RPS6KB1: variants seen among roughly 807,000 people sequenced by gnomAD.
RPS6KB1 encodes the protein ribosomal protein S6 kinase B1.
Under a neutral mutation model 70.2 loss-of-function variants are expected in RPS6KB1, and 12 were observed. The observed-to-expected ratio is 0.17, with a 90% CI of 0.11 to 0.28. RPS6KB1 has a LOEUF of 0.28. RPS6KB1 is among the 10% of genes least tolerant of loss of function. The pLI is 1.00. For missense variants in RPS6KB1, 270 were observed against 646.6 expected (o/e 0.42, Z 6.32); for synonymous variants, 175 against 211.2 (o/e 0.83, Z 1.49).
At chr17:59,922,872 G>GTT (rs780808367) in intron 4 of RPS6KB1, among the ~76,000 whole-genome samples, 7 of 118,394 alleles carry the variant, frequency 5.9e-5, no homozygotes, top group Non-Finnish European at 1.2e-4. Context: ...AAATTTGTTT[G>GTT]TTTTTTTTTT....
intron 5 of RPS6KB1, among the ~76,000 whole-genome samples, chr17:59,927,340 T>C (rs2043669171): frequency 6.6e-6 from 1 of 151,946 alleles, no homozygotes; most frequent in South Asian, 2.1e-4. Context: ...TAACTCGGCC[T>C]CCCAAAATGC....
intron 1 of RPS6KB1, among the ~76,000 whole-genome samples, chr17:59,906,139 T>A (rs1416943119): frequency 6.6e-6 from 1 of 152,238 alleles, no homozygotes; most frequent in Admixed American, 6.5e-5. Flanking sequence ...TGAATATTTT[T>A]GGCAGTTTTA....
chr17:59,903,073 C>G (rs539836991), intron 1 of RPS6KB1, among the ~76,000 whole-genome samples: 1 of 151,860 alleles, frequency 6.6e-6, no homozygotes, highest in Admixed American at 6.6e-5. Context: ...TTTGGGAGGC[C>G]GAGCTGGGTG....
chr17:59,928,099 G>A (rs955904353), intron 5 of RPS6KB1, among the ~76,000 whole-genome samples: 3 of 151,702 alleles, frequency 2.0e-5, no homozygotes, highest in African/African-American at 7.3e-5. Context: ...CGGAGGTTGT[G>A]GTGAGCTGAG....
rs1240149230 is a variant in RPS6KB1 at position 59,947,278 on chromosome 17, G to A, written c.*490G>A. 2.4e-5 allele frequency: 24 copies of A among 1,010,916 alleles called. No individual in the cohort carries two copies. The highest frequency in any genetic ancestry group is 4.6e-5 in the South Asian group (1 of 21,510). 62.6% of individuals were successfully genotyped at this position (1,010,916 alleles called of 1,614,324 possible). ...AGAAACTTACCAATTGATGTTTTAC[G>A]TGCAAACAACCTGAATCTTTTTTTT... On this transcript the variant is annotated 3_prime_UTR_variant, in exon 15 of 15. Coordinates refer to ENST00000225577, the MANE Select transcript of RPS6KB1 (RefSeq NM_003161.4).
chr17:59,928,017 G>GT (rs1233396232), intron 5 of RPS6KB1, among the ~76,000 whole-genome samples: 1 of 151,632 alleles, frequency 6.6e-6, no homozygotes, highest in Non-Finnish European at 1.5e-5. Flanking sequence ...AATTAGCTGG[G>GT]TATGGTGGTG....
Position 59,893,814 on chromosome 17 carries a change from A to G in RPS6KB1, c.141+489A>G. On this transcript the variant is annotated intron_variant, in intron 1 of 14. Transcript: ENST00000225577. This position sits in a 1 kb window ranked among gnomAD's most constrained non-coding sequence, Gnocchi z 4.1. ...CTCCTAGGAAGCGCTCAGCTGTTAG[A>G]AGTGACAGCTGAAAACTTCTGTCGG... 1 of 986,600 alleles carries G rather than the reference A, an allele frequency of 1.0e-6. No individual in the cohort carries two copies. The highest frequency in any genetic ancestry group is 1.2e-6 in the Non-Finnish European group (1 of 830,550). The allele number at this position is 986,600 out of a possible 1,614,324, so 61.1% of individuals were successfully genotyped here.
chr17:59,898,993 A>G (rs2041738378), intron 1 of RPS6KB1, among the ~76,000 whole-genome samples: 1 of 151,622 alleles, frequency 6.6e-6, no homozygotes, highest in Non-Finnish European at 1.5e-5. Context: ...ACCTGAGGTC[A>G]GGGGTTCGAG....
At chr17:59,917,202 T>C (rs892168819) in intron 4 of RPS6KB1, among the ~76,000 whole-genome samples, 2 of 152,042 alleles carry the variant, frequency 1.3e-5, no homozygotes, top group Non-Finnish European at 2.9e-5. Context: ...CAGTGCAACC[T>C]CAAATTCCTG....
In RPS6KB1 at chr17:59,946,613, C is replaced by T; in HGVS notation, c.1403C>T (p.Pro468Leu). 6.2e-7 allele frequency: 1 copy of T among 1,614,122 alleles called. No homozygotes were observed. Among genetic ancestry groups the T allele is most frequent in the Non-Finnish European group, 8.5e-7 (1 of 1,180,030 alleles). ...GRGASASTAN[P>L]QTPVEYPMET... Reference sequence around the variant, plus strand: ...GGTGCTTCGGCCAGCACAGCAAATCCTCAGACACCTGTGGAATACCCAATG... The same window carrying T: ...GGTGCTTCGGCCAGCACAGCAAATCTTCAGACACCTGTGGAATACCCAATG... Residue 468 changes from proline (P) to leucine (L), a missense_variant, in exon 15 of 15, where the codon CCT (proline) becomes CTT (leucine). By Grantham distance (98) the Pro-to-Leu change is moderately conservative (BLOSUM62 -3). Around this residue, in one of 4 missense-constraint regions of RPS6KB1, gnomAD observed 133 missense variants for 314.7 expected, o/e 0.42. Transcript: ENST00000225577. The surrounding 1 kb of genome is among the most constrained non-coding windows in gnomAD (Gnocchi z 4.2).
chr17:59,906,450 T>C (rs2042269053), intron 1 of RPS6KB1, among the ~76,000 whole-genome samples: 1 of 151,980 alleles, frequency 6.6e-6, no homozygotes, highest in Admixed American at 6.6e-5. Flanking sequence ...CTGCAACCTC[T>C]GCCTCCTGGG....
intron 4 of RPS6KB1, among the ~76,000 whole-genome samples, chr17:59,919,494 T>C (rs946214417): frequency 4.6e-5 from 7 of 152,132 alleles, no homozygotes; most frequent in Non-Finnish European, 1.0e-4. Context: ...TAGATCTTTT[T>C]TTTTCTGGGG....
intron 7 of RPS6KB1, among the ~76,000 whole-genome samples, chr17:59,932,719 T>G (rs1015698258): frequency 6.6e-6 from 1 of 151,974 alleles, no homozygotes; most frequent in African/African-American, 2.4e-5. Context: ...GCCTGACTAA[T>G]TTTTGGTATT....
At chr17:59,937,147 C>T (rs1030551134) in intron 12 of RPS6KB1, among the ~76,000 whole-genome samples, 35 of 152,196 alleles carry the variant, frequency 2.3e-4, no homozygotes, top group Admixed American at 2.3e-3. Context: ...CAGGTGTGAG[C>T]TTCTGCACCC....
At chr17:59,900,215 CACACACACACACA>C (rs2041838194) in intron 1 of RPS6KB1, among the ~76,000 whole-genome samples, 8 of 134,106 alleles carry the variant, frequency 6.0e-5, no homozygotes, top group Admixed American at 7.6e-5. Flanking sequence ...CACACACACA[CACACACACACACA>C]CACCCCTATG....
intron 1 of RPS6KB1, among the ~76,000 whole-genome samples, chr17:59,899,079 C>T (rs1385788991): frequency 1.3e-5 from 2 of 151,888 alleles, no homozygotes; most frequent in East Asian, 3.9e-4. Flanking sequence ...TGTCAGGCAC[C>T]TGTAATCCCA....
At chr17:59,945,139 T>C (rs904256035) in intron 13 of RPS6KB1, 1 of 256,746 alleles carries the variant, frequency 3.9e-6, no homozygotes, top group Non-Finnish European at 7.4e-6. Context: ...AATTTTCCTG[T>C]TTTTTTTTCT....
At chr17:59,922,426 G>A (rs1319668522) in intron 4 of RPS6KB1, among the ~76,000 whole-genome samples, 1 of 151,246 alleles carries the variant, frequency 6.6e-6, no homozygotes, top group Non-Finnish European at 1.5e-5. Flanking sequence ...TTTACTTAAT[G>A]GTTTTATCTG....
rs1598851906 is a variant in RPS6KB1, at chr17:59,947,786, A to G, written c.*998A>G. ...AGAAGAGAGTCAGGATAAAAAATAC[A>G]TACTGTGGTCGGCAAGGTGAGGGAG... On this transcript the variant is annotated 3_prime_UTR_variant, in exon 15 of 15. Coordinates refer to ENST00000225577, the MANE Select transcript of RPS6KB1 (RefSeq NM_003161.4). The G allele has an allele frequency of 5.6e-6, 3 of 537,144 alleles. No homozygotes were observed. In the East Asian group the frequency reaches 9.3e-5, roughly 17 times the overall value. 33.3% of individuals were successfully genotyped at this position (537,144 alleles called of 1,614,324 possible). A position where few individuals can be genotyped will look rare whatever the true frequency, so the allele number is the denominator to read the frequency against.
Sources: allele counts gnomAD v4.1 joint callset (sites outside exome capture counted in the v4.1 genomes callset), GRCh38; gene constraint gnomAD v4.1.1; regional missense constraint gnomAD v4.1.1; non-coding constraint Gnocchi (gnomAD v3.1); transcripts MANE v1.5; gene names NCBI Gene and HGNC (gene_info 2026-07-23, HGNC 2026-07-21).